The following AGPAT4 variants were observed in gnomAD, a reference collection of about 807,000 sequenced individuals.
AGPAT4 encodes 1-acyl-sn-glycerol-3-phosphate acyltransferase delta.
In AGPAT4, 15 loss-of-function variants were observed where a neutral mutation model predicts 48.0. The ratio of observed to expected loss-of-function variants is 0.31; its 90% CI spans 0.21 to 0.48. The LOEUF is 0.48. Among genes scored for constraint, AGPAT4 ranks in the 20% least tolerant of loss-of-function variants. AGPAT4 has a pLI of 0.99. For synonymous variants in AGPAT4, 178 were observed against 198.7 expected (o/e 0.90, Z 0.88); for missense variants, 314 against 482.5 (o/e 0.65, Z 3.27).
At chr6:161,199,252 A>T (rs1406079719) in intron 2 of AGPAT4, among the ~76,000 whole-genome samples, 1 of 152,164 alleles carries the variant, frequency 6.6e-6, no homozygotes, top group African/African-American at 2.4e-5. Flanking sequence ...CACCATCTCA[A>T]CACATCTTGT....
In AGPAT4 at chr6:161,233,264, G is replaced by C. The variant is rs369686662; in HGVS notation, c.-89-962C>G. ...AACAGAATAATGAAATGACTTTACA[G>C]TTTGGGAAATAAAAGCTTTCCTTTG... On this transcript the variant is annotated intron_variant, in intron 1 of 8. Coordinates refer to ENST00000320285, the MANE Select transcript of AGPAT4 (RefSeq NM_020133.3). The surrounding 1 kb of genome is among the most constrained non-coding windows in gnomAD (Gnocchi z 5.4). Among the ~76,000 whole-genome samples, 8 of 152,286 alleles carry C rather than the reference G, an allele frequency of 5.3e-5. No homozygotes were observed. The East Asian group carries it at 7.7e-4, about 15-fold the overall frequency.
rs1445783476 is a variant in AGPAT4 at position 161,155,355 on chromosome 6, T to C, written c.349-1045A>G. On this transcript the variant is annotated intron_variant, in intron 3 of 8. Coordinates refer to ENST00000320285, the MANE Select transcript of AGPAT4 (RefSeq NM_020133.3). The surrounding 1 kb of genome is among the most constrained non-coding windows in gnomAD (Gnocchi z 5.8). ...GATCAGTGGGTCGATGACTGATCAA[T>C]GGGATATCAGCGGTCAGGGCAGCCC... Among the ~76,000 whole-genome samples, 1 of 152,192 alleles carries C rather than the reference T, an allele frequency of 6.6e-6. No homozygotes were observed. Among genetic ancestry groups the C allele is most frequent in the East Asian group, 1.9e-4 (1 of 5,192 alleles).
In AGPAT4 at chr6:161,154,058, C is replaced by G. The variant is rs1254958633; in HGVS notation, c.510+91G>C. On this transcript the variant is annotated intron_variant, in intron 4 of 8. Coordinates refer to ENST00000320285, the MANE Select transcript of AGPAT4 (RefSeq NM_020133.3). The surrounding 1 kb of genome is among the most constrained non-coding windows in gnomAD (Gnocchi z 7.8). Reference sequence around the variant, plus strand: ...AGCCCTGGAGTCGCACAGGACCACACAGTCACGTGTCCTGTGGAAGTCACA... The same window carrying G: ...AGCCCTGGAGTCGCACAGGACCACAGAGTCACGTGTCCTGTGGAAGTCACA... 2.6e-6 allele frequency: 4 copies of G among 1,536,836 alleles called. No individual in the cohort carries two copies. The highest frequency in any genetic ancestry group is 3.6e-6 in the Non-Finnish European group (4 of 1,117,242).
rs559132134 is a variant in AGPAT4 at position 161,231,367 on chromosome 6, G to A, written c.178+669C>T. 1.2e-4 allele frequency among the ~76,000 whole-genome samples: 18 copies of A among 151,482 alleles called. No homozygotes were observed. In the East Asian group the frequency reaches 2.1e-3, roughly 18 times the overall value. Reference sequence around the variant, plus strand: ...TAACCTAGCATAATCAAACATACACGGACACATACACACACACAAATGAGT... The same window carrying A: ...TAACCTAGCATAATCAAACATACACAGACACATACACACACACAAATGAGT... On this transcript the variant is annotated intron_variant, in intron 2 of 8. Coordinates refer to ENST00000320285, the MANE Select transcript of AGPAT4 (RefSeq NM_020133.3). The surrounding 1 kb of genome is among the most constrained non-coding windows in gnomAD (Gnocchi z 5.3).
rs1364941232 is a variant in AGPAT4, at chr6:161,133,429, GA to G, written c.*3110del. Reference sequence around the variant, plus strand: ...TTCCAGTACTACTGTGTGATCATATGAAAAAAGTTGGTTTTCTCTCTGTCAA... The same window carrying G: ...TTCCAGTACTACTGTGTGATCATATGAAAAAGTTGGTTTTCTCTCTGTCAA... On this transcript the variant is annotated 3_prime_UTR_variant, in exon 9 of 9. Coordinates refer to ENST00000320285, the MANE Select transcript of AGPAT4 (RefSeq NM_020133.3). The G allele has an allele frequency of 1.3e-5, 2 of 152,196 alleles. No homozygotes were observed. Among genetic ancestry groups the G allele is most frequent in the Non-Finnish European group, 2.9e-5 (2 of 68,036 alleles). The allele number at this position is 152,196 out of a possible 1,614,324, so 9.4% of individuals were successfully genotyped here.
rs537900187 is a variant in AGPAT4 at position 161,251,507 on chromosome 6, C to T, written c.-89-19205G>A. 7.9e-5 allele frequency among the ~76,000 whole-genome samples: 12 copies of T among 152,334 alleles called. No individual in the cohort carries two copies. The highest frequency in any genetic ancestry group is 1.3e-4 in the Admixed American group (2 of 15,302). On this transcript the variant is annotated intron_variant, in intron 1 of 8. Coordinates refer to ENST00000320285, the MANE Select transcript of AGPAT4 (RefSeq NM_020133.3). The surrounding 1 kb of genome is among the most constrained non-coding windows in gnomAD (Gnocchi z 4.6). ...GTGTGCCCCCAGCTCTTTCCTTGGCCTTGCTCTCTTGGCCTCTCCACCTGA... is the reference window on the plus strand; with the variant it reads ...GTGTGCCCCCAGCTCTTTCCTTGGCTTTGCTCTCTTGGCCTCTCCACCTGA...
At position 161,212,147 on chromosome 6, in the gene AGPAT4, G is replaced by T. The variant is rs1781537458; in HGVS notation, c.178+19889C>A. Among the ~76,000 whole-genome samples the T allele has an allele frequency of 6.6e-6, 1 of 152,056 alleles. No individual in the cohort carries two copies. Among genetic ancestry groups the T allele is most frequent in the African/African-American group, 2.4e-5 (1 of 41,422 alleles). On this transcript the variant is annotated intron_variant, in intron 2 of 8. Transcript: ENST00000320285. This position sits in a 1 kb window ranked among gnomAD's most constrained non-coding sequence, Gnocchi z 6.1. ...AGTAAATGTTATAAAGGTTATAAAA[G>T]GCTTATGGAAGCTGTATCTTATGGT...
At chr6:161,239,665 C>T (rs1782424666) in intron 1 of AGPAT4, among the ~76,000 whole-genome samples, 1 of 152,152 alleles carries the variant, frequency 6.6e-6, no homozygotes. Context: ...CTTTTGACCT[C>T]AAAATCCAGA....
chr6:161,144,397 A>T lies in AGPAT4; in HGVS notation c.843+2127T>A, dbSNP rs1779350830. 1 of 342,378 alleles carries T rather than the reference A, an allele frequency of 2.9e-6. No individual in the cohort carries two copies. Among genetic ancestry groups the T allele is most frequent in the Admixed American group, 3.9e-5 (1 of 25,632 alleles). 21.2% of individuals were successfully genotyped at this position (342,378 alleles called of 1,614,324 possible). On this transcript the variant is annotated intron_variant, in intron 7 of 8. Transcript: ENST00000320285. This position sits in a 1 kb window ranked among gnomAD's most constrained non-coding sequence, Gnocchi z 6.6. ...TAGTGTAAGAGCTTTGGAGTAGATGATCACTTTGAGAACCCTACCAAGTTG... is the reference window on the plus strand; with the variant it reads ...TAGTGTAAGAGCTTTGGAGTAGATGTTCACTTTGAGAACCCTACCAAGTTG...
Position 161,236,481 on chromosome 6 carries a change from G to T in AGPAT4, c.-89-4179C>A, listed in dbSNP as rs1161957942. Among the ~76,000 whole-genome samples the T allele has an allele frequency of 6.6e-6, 1 of 152,130 alleles. No individual in the cohort carries two copies. The highest frequency in any genetic ancestry group is 2.4e-5 in the African/African-American group (1 of 41,432). ...TGACCTTGAGACACCCTAGGGATGG[G>T]AGTGCAGGAGGCCAAATTCTACTGG... On this transcript the variant is annotated intron_variant, in intron 1 of 8. Coordinates refer to ENST00000320285, the MANE Select transcript of AGPAT4 (RefSeq NM_020133.3). This position sits in a 1 kb window ranked among gnomAD's most constrained non-coding sequence, Gnocchi z 5.0.
In AGPAT4 at chr6:161,201,994, TATC is replaced by T. The variant is rs1781251278; in HGVS notation, c.178+30039_178+30041del. Among the ~76,000 whole-genome samples, 1 of 152,178 alleles carries T rather than the reference TATC, an allele frequency of 6.6e-6. No individual in the cohort carries two copies. Among genetic ancestry groups the T allele is most frequent in the South Asian group, 2.1e-4 (1 of 4,826 alleles). ...AGGCCACTATAAGCCATTTAAGACT[TATC>T]ATAAGTGTTCCTCCTCCAGGAAGTC... is the stretch of plus-strand genomic sequence containing the variant. On this transcript the variant is annotated intron_variant, in intron 2 of 8. Coordinates refer to ENST00000320285, the MANE Select transcript of AGPAT4 (RefSeq NM_020133.3). This position sits in a 1 kb window ranked among gnomAD's most constrained non-coding sequence, Gnocchi z 6.0.
intron 2 of AGPAT4, among the ~76,000 whole-genome samples, chr6:161,187,261 T>C (rs1562329699): frequency 6.6e-6 from 1 of 152,182 alleles, no homozygotes. Context: ...CACAGGCACG[T>C]TTTGTCTTGT....
chr6:161,247,258 G>A lies in AGPAT4; in HGVS notation c.-89-14956C>T, dbSNP rs557781799. Among the ~76,000 whole-genome samples, 321 of 152,228 alleles carry A rather than the reference G, an allele frequency of 2.1e-3. 1 individual carries two copies. Among genetic ancestry groups the A allele is most frequent in the Non-Finnish European group, 3.2e-3 (217 of 68,008 alleles). Reference sequence around the variant, plus strand: ...GAAACTAAAGGAAATTATACTAGCCGTGTAAATCACTTAGGCAAAGCCAGG... The same window carrying A: ...GAAACTAAAGGAAATTATACTAGCCATGTAAATCACTTAGGCAAAGCCAGG... On this transcript the variant is annotated intron_variant, in intron 1 of 8. Transcript: ENST00000320285.
In AGPAT4 at chr6:161,147,378, C is replaced by T. The variant is rs1446168173; in HGVS notation, c.768-779G>A. On this transcript the variant is annotated intron_variant, in intron 6 of 8. Coordinates refer to ENST00000320285, the MANE Select transcript of AGPAT4 (RefSeq NM_020133.3). This position sits in a 1 kb window ranked among gnomAD's most constrained non-coding sequence, Gnocchi z 4.8. ...CCTATTTGTTCTCAGGTTGATGGCT[C>T]TTGTGATTTCAAGGGACGTTCATTT... Among the ~76,000 whole-genome samples the T allele has an allele frequency of 6.6e-6, 1 of 152,142 alleles. No individual in the cohort carries two copies. The highest frequency in any genetic ancestry group is 1.5e-5 in the Non-Finnish European group (1 of 68,024).
chr6:161,168,433 C>A (rs1292411716), intron 2 of AGPAT4, among the ~76,000 whole-genome samples: 1 of 152,106 alleles, frequency 6.6e-6, no homozygotes, highest in Non-Finnish European at 1.5e-5. Context: ...ACTCTCACCG[C>A]CCCCTACCCC....
At position 161,165,833 on chromosome 6, in the gene AGPAT4, G is replaced by T; in HGVS notation, c.348+415C>A. The T allele has an allele frequency of 1.7e-6, 1 of 589,472 alleles. No individual in the cohort carries two copies. Among genetic ancestry groups the T allele is most frequent in the Non-Finnish European group, 3.1e-6 (1 of 323,556 alleles). The allele number at this position is 589,472 out of a possible 1,614,324, so 36.5% of individuals were successfully genotyped here. On this transcript the variant is annotated intron_variant, in intron 3 of 8. Transcript: ENST00000320285. The surrounding 1 kb of genome is among the most constrained non-coding windows in gnomAD (Gnocchi z 5.5). The stretch of plus-strand genomic sequence containing the variant: ...CGATCAAAATGCAGAGGTGATGTCT[G>T]CCTGTTAGCCAAGGAGGCAGTAGAG...
intron 1 of AGPAT4, among the ~76,000 whole-genome samples, chr6:161,257,368 T>C (rs1782970923): frequency 6.6e-6 from 1 of 152,088 alleles, no homozygotes; most frequent in Non-Finnish European, 1.5e-5. Flanking sequence ...GCAATACCTA[T>C]CAAAGGCCAA....
In AGPAT4 at chr6:161,135,974, C is replaced by G. The variant is rs1432439872; in HGVS notation, c.*566G>C. The G allele has an allele frequency of 6.4e-6, 1 of 155,082 alleles. No homozygotes were observed. The highest frequency in any genetic ancestry group is 2.0e-4 in the South Asian group (1 of 5,016). 9.6% of individuals were successfully genotyped at this position (155,082 alleles called of 1,614,324 possible). A position where few individuals can be genotyped will look rare whatever the true frequency, so the allele number is the denominator to read the frequency against. On this transcript the variant is annotated 3_prime_UTR_variant, in exon 9 of 9. Coordinates refer to ENST00000320285, the MANE Select transcript of AGPAT4 (RefSeq NM_020133.3). Reference sequence around the variant, plus strand: ...GCCCACCCCTCTCAGCTGCCCACACCTCCGCGGCAGCTGCCTCCCGTGAGT... The same window carrying G: ...GCCCACCCCTCTCAGCTGCCCACACGTCCGCGGCAGCTGCCTCCCGTGAGT...
At chr6:161,253,027 A>G (rs970580247) in intron 1 of AGPAT4, among the ~76,000 whole-genome samples, 2 of 151,662 alleles carry the variant, frequency 1.3e-5, no homozygotes, top group Non-Finnish European at 2.9e-5. Context: ...CATCCTGGCC[A>G]ATACGGTGAA....
Sources: gnomAD v4.1 joint callset for allele counts (sites outside exome capture counted in the v4.1 genomes callset) on GRCh38, gnomAD v4.1.1 for gene constraint, Gnocchi (gnomAD v3.1) non-coding constraint, MANE v1.5 for transcripts, NCBI Gene and HGNC (gene_info 2026-07-23, HGNC 2026-07-21) for gene names.